The following FBXO31 variants were observed in gnomAD, a reference collection of about 807,000 sequenced individuals.
The protein encoded by FBXO31 is F-box only protein 31.
A neutral mutation model predicts 54.4 loss-of-function variants in FBXO31; 24 were observed. That is an observed-to-expected ratio of 0.44 (90% CI 0.32 to 0.62). The LOEUF is 0.62. Ranked by LOEUF, FBXO31 falls within the 20% of genes least tolerant of loss-of-function variation. FBXO31 has a pLI of 0.05. For missense variants in FBXO31, 665 were observed against 787.1 expected, an observed-to-expected ratio of 0.84 and a Z score of 1.86; for synonymous variants, 388 against 335.6, an observed-to-expected ratio of 1.16 and a Z score of -1.71.
At chr16:87,360,402 A>G in intron 1 of FBXO31, 36 bp from the exon 2 acceptor site, 1 of 1,591,844 alleles carries the variant, frequency 6.3e-7, no homozygotes, top group African/African-American at 1.3e-5. Context: ...TTTAAGATCA[A>G]CAACTCATAA....
chr16:87,388,596 A>C (rs548163189), upstream of FBXO31: 2 of 152,282 alleles, frequency 1.3e-5, no homozygotes, highest in Admixed American at 6.5e-5. Context: ...GCAAAAAATA[A>C]CCCCGATGCT....
chr16:87,374,199 G>A (rs1034393935), intron 1 of FBXO31, among the ~76,000 whole-genome samples: 2 of 150,802 alleles, frequency 1.3e-5, no homozygotes, highest in Non-Finnish European at 2.9e-5. Context: ...CCATGATCGC[G>A]CCACTACACT....
chr16:87,345,419 G>C lies in FBXO31; in HGVS notation c.490-1654C>G, dbSNP rs1026955759. 6.6e-6 allele frequency among the ~76,000 whole-genome samples: 1 copy of C among 152,166 alleles called. No homozygotes were observed. The highest frequency in any genetic ancestry group is 6.5e-5 in the Admixed American group (1 of 15,286). On this transcript the variant is annotated intron_variant, in intron 3 of 8. Transcript: ENST00000311635. The surrounding 1 kb of genome is among the most constrained non-coding windows in gnomAD (Gnocchi z 4.9). ...TCCATGCAGACACTGGCACCACGCA[G>C]AGCCCGCAGAGCACCACCTCCTCAC...
intron 2 of FBXO31, among the ~76,000 whole-genome samples, chr16:87,355,942 G>C (rs184064505): frequency 3.9e-4 from 59 of 152,330 alleles, no homozygotes; most frequent in African/African-American, 1.4e-3. Context: ...GAAATAGTGA[G>C]ACAGACATGC....
upstream of FBXO31, among the ~76,000 whole-genome samples, chr16:87,390,937 G>T (rs949476219): frequency 1.3e-5 from 2 of 152,162 alleles, no homozygotes; most frequent in Non-Finnish European, 2.9e-5. Flanking sequence ...ACAGTGTAGA[G>T]TGTATTAGCC....
intron 2 of FBXO31, among the ~76,000 whole-genome samples, chr16:87,353,799 G>A (rs1429768412): frequency 1.3e-5 from 2 of 152,096 alleles, no homozygotes; most frequent in Non-Finnish European, 2.9e-5. Flanking sequence ...ACCCTTCGGC[G>A]GGAGCAGGGC....
chr16:87,348,754 G>A (rs992429183), intron 2 of FBXO31, among the ~76,000 whole-genome samples: 6 of 152,288 alleles, frequency 3.9e-5, no homozygotes, highest in South Asian at 2.1e-4. Flanking sequence ...ATGAGAGGGC[G>A]GCCTGCACTC....
intron 5 of FBXO31, among the ~76,000 whole-genome samples, chr16:87,337,076 T>C (rs1223472186): frequency 6.6e-6 from 1 of 152,172 alleles, no homozygotes; most frequent in Non-Finnish European, 1.5e-5. Context: ...CAGAAATCAC[T>C]GCAGGAGCTG....
upstream of FBXO31, among the ~76,000 whole-genome samples, chr16:87,388,040 A>C (rs537718706): frequency 2.0e-4 from 30 of 152,364 alleles, no homozygotes; most frequent in Admixed American, 1.2e-3. Flanking sequence ...AAAAGCTATA[A>C]ACACAGCAGT....
intron 1 of FBXO31, among the ~76,000 whole-genome samples, chr16:87,382,887 C>A (rs1277831857): frequency 6.6e-6 from 1 of 152,220 alleles, no homozygotes; most frequent in African/African-American, 2.4e-5. Context: ...CCGCCCGCCT[C>A]GGCCTCCCTA....
At chr16:87,390,863 G>A (rs1364113819), upstream of FBXO31, among the ~76,000 whole-genome samples, 1 of 152,154 alleles carries the variant, frequency 6.6e-6, no homozygotes, top group Non-Finnish European at 1.5e-5. Flanking sequence ...CTCCCTGAGA[G>A]CTGGGTTTAC....
At position 87,365,037 on chromosome 16, in the gene FBXO31, A is replaced by ATATATATCTATCTATCTATCTATC. The variant is rs1489132121; in HGVS notation, c.341-4672_341-4671insGATAGATAGATAGATAGATATATA. On this transcript the variant is annotated intron_variant, in intron 1 of 8. Coordinates refer to ENST00000311635, the MANE Select transcript of FBXO31 (RefSeq NM_024735.5). ...TATATATATATATATATATATATAT[A>ATATATATCTATCTATCTATCTATC]TATCAGGCAGGCCACCCAATAATTA... is the stretch of plus-strand genomic sequence containing the variant. Among the ~76,000 whole-genome samples, 5 of 106,890 alleles carry ATATATATCTATCTATCTATCTATC rather than the reference A, an allele frequency of 4.7e-5. 1 individual carries two copies. Among genetic ancestry groups the ATATATATCTATCTATCTATCTATC allele is most frequent in the South Asian group, 3.0e-4 (1 of 3,312 alleles). 70.1% of individuals were successfully genotyped at this position (106,890 alleles called of 152,430 possible).
At chr16:87,356,765 T>C (rs1421574649) in intron 2 of FBXO31, among the ~76,000 whole-genome samples, 1 of 152,154 alleles carries the variant, frequency 6.6e-6, no homozygotes, top group Non-Finnish European at 1.5e-5. Flanking sequence ...AAACTTAAGA[T>C]GTAGGTCTGC....
chr16:87,364,581 C>A (rs1050711657), intron 1 of FBXO31, among the ~76,000 whole-genome samples: 1 of 152,136 alleles, frequency 6.6e-6, no homozygotes, highest in African/African-American at 2.4e-5. Flanking sequence ...GCGGGGGCAT[C>A]CAACTGCCCA....
rs377386999 is a variant in FBXO31, at chr16:87,365,109, A to C, written c.341-4743T>G. Among the ~76,000 whole-genome samples the C allele has an allele frequency of 1.9e-4, 28 of 143,852 alleles. No individual in the cohort carries two copies. The East Asian group carries it at 5.2e-3, about 27-fold the overall frequency. The allele number at this position is 143,852 out of a possible 152,430, so 94.4% of individuals were successfully genotyped here. A position where few individuals can be genotyped will look rare whatever the true frequency, so the allele number is the denominator to read the frequency against. On this transcript the variant is annotated intron_variant, in intron 1 of 8. Transcript: ENST00000311635. ...AAAGGTCTTTGCAGTGATGACAGAAAGAGAAAACCAATTTGCTTTAAGGCG... is the reference window on the plus strand; with the variant it reads ...AAAGGTCTTTGCAGTGATGACAGAACGAGAAAACCAATTTGCTTTAAGGCG...
intron 2 of FBXO31, among the ~76,000 whole-genome samples, chr16:87,357,177 C>G (rs911082722): frequency 6.6e-6 from 1 of 151,492 alleles, no homozygotes; most frequent in African/African-American, 2.4e-5. Context: ...CCCAGGAGTT[C>G]AAGGATACAA....
At chr16:87,351,892 A>G (rs1356144296) in intron 2 of FBXO31, among the ~76,000 whole-genome samples, 1 of 152,106 alleles carries the variant, frequency 6.6e-6, no homozygotes, top group African/African-American at 2.4e-5. Context: ...ATATATATAT[A>G]CATCAGCTTC....
rs1330233501 is a variant in FBXO31, at chr16:87,327,734, G to C, written c.*3554C>G. 2 of 152,308 alleles carry C rather than the reference G, an allele frequency of 1.3e-5. No homozygotes were observed. Among genetic ancestry groups the C allele is most frequent in the African/African-American group, 4.8e-5 (2 of 41,434 alleles). 9.4% of individuals were successfully genotyped at this position (152,308 alleles called of 1,614,324 possible). A position where few individuals can be genotyped will look rare whatever the true frequency, so the allele number is the denominator to read the frequency against. Reference sequence around the variant, plus strand: ...TTCTCTAAATAATTACGGGGATGAGGAGTCCAGTGATGTTCCTGGTCTCTC... The same window carrying C: ...TTCTCTAAATAATTACGGGGATGAGCAGTCCAGTGATGTTCCTGGTCTCTC... On this transcript the variant is annotated 3_prime_UTR_variant, in exon 9 of 9. Coordinates refer to ENST00000311635, the MANE Select transcript of FBXO31 (RefSeq NM_024735.5).
In FBXO31 at chr16:87,363,417, G is replaced by A. The variant is rs528351267; in HGVS notation, c.341-3051C>T. ...ATAAAAATAAAAATAAATCAACACC[G>A]GCTCATCTCCTTTGCCTCACGGTCT... On this transcript the variant is annotated intron_variant, in intron 1 of 8. Coordinates refer to ENST00000311635, the MANE Select transcript of FBXO31 (RefSeq NM_024735.5). 2.1e-4 allele frequency among the ~76,000 whole-genome samples: 32 copies of A among 152,206 alleles called. 1 individual carries two copies. In the South Asian group the frequency reaches 5.6e-3, roughly 27 times the overall value.
Sources: allele counts gnomAD v4.1 joint callset (sites outside exome capture counted in the v4.1 genomes callset), GRCh38; gene constraint gnomAD v4.1.1; non-coding constraint Gnocchi (gnomAD v3.1); transcripts MANE v1.5; gene names NCBI Gene and HGNC (gene_info 2026-07-23, HGNC 2026-07-21).